Variants in HDAC9 observed in about 807,000 individuals in gnomAD.
The protein encoded by HDAC9 is histone deacetylase 9.
Under a neutral mutation model 139.4 loss-of-function variants are expected in HDAC9, and 41 were observed. The observed-to-expected ratio is 0.29, with a 90% CI of 0.23 to 0.38. The LOEUF (loss-of-function observed/expected upper bound fraction) is 0.38, where lower values mean the gene tolerates loss of function less well. Ranked by LOEUF, HDAC9 falls within the 10% of genes least tolerant of loss-of-function variation. The probability of loss-of-function intolerance (pLI) is 1.00; values close to 1 mark genes in which losing one functional copy is unlikely to be tolerated. For missense variants in HDAC9, 1,147 were observed against 1,297.0 expected, an observed-to-expected ratio of 0.88 and a Z score of 1.78; for synonymous variants, 517 against 476.2, an observed-to-expected ratio of 1.09 and a Z score of -1.12.
At chr7:18,785,109 G>T (rs780365075) in intron 16 of HDAC9, among the ~76,000 whole-genome samples, 1 of 151,922 alleles carries the variant, frequency 6.6e-6, no homozygotes, top group East Asian at 1.9e-4. Context: ...TTCCTTTGGC[G>T]TATTAAGGAG....
intron 12 of HDAC9, among the ~76,000 whole-genome samples, chr7:18,686,553 G>A (rs1782287871): frequency 6.6e-6 from 1 of 151,814 alleles, no homozygotes; most frequent in African/African-American, 2.4e-5. Context: ...CATACTTGAT[G>A]TGGAATTTGC....
chr7:18,720,879 C>A (rs912694000), intron 12 of HDAC9, among the ~76,000 whole-genome samples: 5 of 152,004 alleles, frequency 3.3e-5, no homozygotes, highest in African/African-American at 1.2e-4. Context: ...TAGGGTCTCC[C>A]TATTTTGCCC....
chr7:18,098,427 T>A (rs1305462181), intron 1 of HDAC9, among the ~76,000 whole-genome samples: 1 of 152,256 alleles, frequency 6.6e-6, no homozygotes, highest in Non-Finnish European at 1.5e-5. Flanking sequence ...CTTTAGAATT[T>A]TCCACTCATT....
chr7:18,136,780 G>A (rs1178368), intron 1 of HDAC9, among the ~76,000 whole-genome samples: 29,471 of 149,502 alleles, frequency 0.2, 3,787 homozygotes, highest in African/African-American at 0.37. Flanking sequence ...TTGACTTGGC[G>A]ATGCGGGCTC....
chr7:18,784,220 A>C (rs1791495662), intron 16 of HDAC9, among the ~76,000 whole-genome samples: 1 of 151,876 alleles, frequency 6.6e-6, no homozygotes. Context: ...TTTAACACCA[A>C]GGAAATCCTC....
chr7:18,104,885 A>G (rs1783101914), intron 1 of HDAC9, among the ~76,000 whole-genome samples: 1 of 151,830 alleles, frequency 6.6e-6, no homozygotes, highest in Admixed American at 6.6e-5. Flanking sequence ...TCTAAAGGCT[A>G]TTTCCTTTTC....
intron 12 of HDAC9, among the ~76,000 whole-genome samples, chr7:18,721,531 G>A (rs1785144466): frequency 6.6e-6 from 1 of 151,976 alleles, no homozygotes; most frequent in Non-Finnish European, 1.5e-5. Flanking sequence ...TAGTCTATGA[G>A]TGTCTCTTGC....
intron 1 of HDAC9, among the ~76,000 whole-genome samples, chr7:18,441,249 C>A (rs1341116609): frequency 6.6e-6 from 1 of 152,094 alleles, no homozygotes; most frequent in Admixed American, 6.6e-5. Flanking sequence ...GACATCTGAC[C>A]TTTTTTAAAG....
intron 11 of HDAC9, among the ~76,000 whole-genome samples, chr7:18,654,255 C>T (rs1033600884): frequency 1.3e-5 from 2 of 152,148 alleles, no homozygotes; most frequent in African/African-American, 4.8e-5. Flanking sequence ...TATAATTACA[C>T]AAGGGCCATT....
intron 21 of HDAC9, among the ~76,000 whole-genome samples, chr7:18,851,209 C>T (rs944965199): frequency 2.0e-5 from 3 of 152,150 alleles, no homozygotes; most frequent in Non-Finnish European, 4.4e-5. Flanking sequence ...GGTGCTGATA[C>T]GGTTTGGCTC....
intron 1 of HDAC9, among the ~76,000 whole-genome samples, chr7:18,350,315 A>G (rs1410171319): frequency 6.6e-6 from 1 of 152,194 alleles, no homozygotes; most frequent in Non-Finnish European, 1.5e-5. Context: ...ATTCCATGAA[A>G]AAAATGGATT....
At chr7:18,606,551 T>C (rs1325182764) in intron 6 of HDAC9, among the ~76,000 whole-genome samples, 2 of 152,224 alleles carry the variant, frequency 1.3e-5, no homozygotes, top group Non-Finnish European at 1.5e-5. Context: ...GACTTGGGAA[T>C]TGTAAGGACT....
chr7:18,461,850 A>G (rs1304938486), intron 1 of HDAC9, among the ~76,000 whole-genome samples: 2 of 152,156 alleles, frequency 1.3e-5, no homozygotes, highest in African/African-American at 4.8e-5. Flanking sequence ...TCAGTTTCCT[A>G]TGATGATAAT....
At chr7:18,883,086 G>C (rs1006157374) in intron 22 of HDAC9, among the ~76,000 whole-genome samples, 7 of 152,084 alleles carry the variant, frequency 4.6e-5, no homozygotes, top group Non-Finnish European at 8.8e-5. Context: ...TTATTATTTT[G>C]TGATGAGGAT....
At chr7:18,256,793 A>T (rs1165367236) in intron 2 of HDAC9, among the ~76,000 whole-genome samples, 1 of 152,160 alleles carries the variant, frequency 6.6e-6, no homozygotes, top group Non-Finnish European at 1.5e-5. Context: ...GTTTGTTTAA[A>T]ATACATAAAT....
chr7:18,266,278 A>C (rs575335600), intron 2 of HDAC9, among the ~76,000 whole-genome samples: 1 of 152,310 alleles, frequency 6.6e-6, no homozygotes, highest in South Asian at 2.1e-4. Context: ...TTTCCTTGAA[A>C]GTTCTAATTT....
chr7:18,631,204 A>C (rs1223312919), intron 7 of HDAC9, among the ~76,000 whole-genome samples: 1 of 152,090 alleles, frequency 6.6e-6, no homozygotes, highest in Non-Finnish European at 1.5e-5. Context: ...AATTTCCTTA[A>C]ATTTAAAATA....
At chr7:18,925,613 T>C (rs1170070174) in intron 22 of HDAC9, among the ~76,000 whole-genome samples, 2 of 151,840 alleles carry the variant, frequency 1.3e-5, no homozygotes, top group African/African-American at 4.8e-5. Flanking sequence ...AATGAAATTT[T>C]GTATAAGTTA....
chr7:18,137,477 C>T (rs533538384), intron 1 of HDAC9, among the ~76,000 whole-genome samples: 3 of 151,856 alleles, frequency 2.0e-5, no homozygotes, highest in Non-Finnish European at 4.4e-5. Flanking sequence ...GAAATACATC[C>T]CATCATTACC....
Sources: gnomAD v4.1 joint callset for allele counts (sites outside exome capture counted in the v4.1 genomes callset) on GRCh38, gnomAD v4.1.1 for gene constraint, MANE v1.5 for transcripts, NCBI Gene and HGNC (gene_info 2026-07-23, HGNC 2026-07-21) for gene names.